The following NSUN7 variants were observed in gnomAD, a reference collection of about 807,000 sequenced individuals.
The protein encoded by NSUN7 is protein NSUN7.
In NSUN7, 39 loss-of-function variants were observed where a neutral mutation model predicts 58.5. The observed-to-expected ratio is 0.67, with a 90% CI of 0.52 to 0.87. The LOEUF (loss-of-function observed/expected upper bound fraction) is 0.87. Ranked by LOEUF, NSUN7 falls within the 40% of genes least tolerant of loss-of-function variation. NSUN7 has a pLI of 0.00. For missense variants in NSUN7, 765 were observed against 844.1 expected (o/e 0.91, Z 1.16); for synonymous variants, 278 against 303.7 (o/e 0.92, Z 0.88).
chr4:40,795,762 C>T (rs2087604764), intron 9 of NSUN7, among the ~76,000 whole-genome samples: 1 of 152,044 alleles, frequency 6.6e-6, no homozygotes, highest in South Asian at 2.1e-4. Context: ...AAGTCAACCA[C>T]ATAAAAGATA....
intron 4 of NSUN7, among the ~76,000 whole-genome samples, chr4:40,772,755 A>G (rs994020169): frequency 2.0e-5 from 3 of 152,186 alleles, no homozygotes; most frequent in Non-Finnish European, 4.4e-5. Context: ...CTTTGAAACA[A>G]TTTAGGTGGG....
chr4:40,803,680 G>T (rs2154289412), intron 10 of NSUN7, among the ~76,000 whole-genome samples: 1 of 152,282 alleles, frequency 6.6e-6, no homozygotes, highest in East Asian at 1.9e-4. Context: ...GTACAATTCA[G>T]TGCCTTAAAA....
Position 40,807,701 on chromosome 4 carries a change from C to A in NSUN7, c.1524+517C>A, listed in dbSNP as rs571426774. ...TCCTCTTCTGCCTGGCTGCCACCCC[C>A]ACCTCCCCAAGCATTTTGTAACATC... is the stretch of plus-strand genomic sequence containing the variant. On this transcript the variant is annotated intron_variant, in intron 11 of 11. Transcript: ENST00000381782. Among the ~76,000 whole-genome samples the A allele has an allele frequency of 4.6e-5, 7 of 152,160 alleles. 1 individual carries two copies. The highest frequency in any genetic ancestry group is 3.4e-3 in the Middle Eastern group (1 of 294).
intron 7 of NSUN7, among the ~76,000 whole-genome samples, chr4:40,790,174 A>G (rs929116470): frequency 2.6e-5 from 4 of 151,606 alleles, no homozygotes; most frequent in African/African-American, 9.7e-5. Flanking sequence ...CAGCACGCTA[A>G]GCTTAACTAC....
In NSUN7 at chr4:40,794,455, C is replaced by A; in HGVS notation, c.1261C>A (p.Gln421Lys). 1 of 1,607,876 alleles carries A rather than the reference C, an allele frequency of 6.2e-7. No individual in the cohort carries two copies. The highest frequency in any genetic ancestry group is 8.5e-7 in the Non-Finnish European group (1 of 1,174,858). Residue 421 changes from glutamine (Q) to lysine (K), a missense_variant, in exon 9 of 12, where the codon CAG (glutamine) becomes AAG (lysine). Physicochemically the swap from Gln to Lys is moderately conservative, Grantham distance 53 (BLOSUM62 1). Transcript: ENST00000381782. ...CGTTCTTGCTCAACAGCAGTATGAA[C>A]AGCTAACACATGCAATGAAATGTAA... is the stretch of plus-strand genomic sequence containing the variant. ...LHVLAQQQYE[Q>K]LTHAMKFTKA...
chr4:40,758,077 C>T (rs1741265802), intron 2 of NSUN7, among the ~76,000 whole-genome samples: 1 of 152,000 alleles, frequency 6.6e-6, no homozygotes, highest in Non-Finnish European at 1.5e-5. Context: ...CGCCACCACG[C>T]CTGGATAATT....
At chr4:40,805,353 G>A (rs908061558) in intron 10 of NSUN7, among the ~76,000 whole-genome samples, 1 of 152,136 alleles carries the variant, frequency 6.6e-6, no homozygotes, top group Admixed American at 6.5e-5. Context: ...CCTTGCTGCT[G>A]TCACTTGACT....
rs749539912 is a variant in NSUN7 at position 40,776,150 on chromosome 4, C to T, written c.927C>T (p.His309=). ...CAGGCTCATGGTACACAGTTTCCCA[C>T]ATGTCAATTTTAACAAATAATAATA... ...VNTGSWYTVS[H]MSILTNNNTS... The change falls in exon 7 of 12, where the codon CAC becomes CAT. Residue 309 remains histidine, a synonymous_variant. Coordinates refer to ENST00000381782, the MANE Select transcript of NSUN7 (RefSeq NM_024677.6). 1.9e-6 allele frequency: 3 copies of T among 1,607,190 alleles called. No homozygotes were observed. The South Asian group carries it at 3.3e-5, about 18-fold the overall frequency.
In NSUN7 at chr4:40,750,146, C is replaced by A. The variant is rs1054669579; in HGVS notation, c.-246C>A. 1 of 152,868 alleles carries A rather than the reference C, an allele frequency of 6.5e-6. No homozygotes were observed. The highest frequency in any genetic ancestry group is 2.4e-5 in the African/African-American group (1 of 41,478). The allele number at this position is 152,868 out of a possible 1,614,324, so 9.5% of individuals were successfully genotyped here. Reference sequence around the variant, plus strand: ...GCGCCAGAGGCTGCGACCCCCCTGCCCCGAATCCTGCCGGTGGGAGTGGCT... The same window carrying A: ...GCGCCAGAGGCTGCGACCCCCCTGCACCGAATCCTGCCGGTGGGAGTGGCT... On this transcript the variant is annotated 5_prime_UTR_variant, in exon 1 of 12. Coordinates refer to ENST00000381782, the MANE Select transcript of NSUN7 (RefSeq NM_024677.6).
chr4:40,808,536 C>G lies in NSUN7; in HGVS notation c.1754C>G (p.Thr585Arg). ...KASANLSETV[T>R]KPPLPQKNTA... ...AGTGCTAATCTATCAGAGACTGTAACAAAACCACCTCTTCCCCAGAAAAAT... is the reference window on the plus strand; with the variant it reads ...AGTGCTAATCTATCAGAGACTGTAAGAAAACCACCTCTTCCCCAGAAAAAT... The change falls in exon 12 of 12, where the codon ACA becomes AGA. Residue 585 changes from threonine (T) to arginine (R), a missense_variant. Transcript: ENST00000381782. The G allele has an allele frequency of 3.9e-6, 6 of 1,551,998 alleles. No individual in the cohort carries two copies. Among genetic ancestry groups the G allele is most frequent in the Non-Finnish European group, 5.2e-6 (6 of 1,147,066 alleles).
At chr4:40,776,485 A>G (rs1335646838) in intron 7 of NSUN7, 1 of 328,514 alleles carries the variant, frequency 3.0e-6, no homozygotes, top group East Asian at 5.0e-5. Context: ...ACTGTTTGAC[A>G]TTTAGCTCAC....
At chr4:40,778,713 G>A (rs898771720) in intron 7 of NSUN7, among the ~76,000 whole-genome samples, 19 of 152,142 alleles carry the variant, frequency 1.2e-4, no homozygotes, top group Non-Finnish European at 7.4e-5. Flanking sequence ...ACAGACTAAG[G>A]TAACATATTA....
Position 40,794,493 on chromosome 4 carries a change from C to T in NSUN7, c.1282+17C>T, listed in dbSNP as rs753797054. On this transcript the variant is annotated intron_variant, in intron 9 of 11. Coordinates refer to ENST00000381782, the MANE Select transcript of NSUN7 (RefSeq NM_024677.6). ...CAATGAAATGTAAGGTTGTCATAGG[C>T]ACCATCTTGTTAAAATAAGGTGTAC... 5 of 1,434,730 alleles carry T rather than the reference C, an allele frequency of 3.5e-6. No individual in the cohort carries two copies. Among genetic ancestry groups the T allele is most frequent in the Non-Finnish European group, 3.9e-6 (4 of 1,020,436 alleles). The allele number at this position is 1,434,730 out of a possible 1,614,324, so 88.9% of individuals were successfully genotyped here. A position where few individuals can be genotyped will look rare whatever the true frequency, so the allele number is the denominator to read the frequency against.
At chr4:40,752,838 T>TGAAA (rs1740906926) in intron 2 of NSUN7, among the ~76,000 whole-genome samples, 1 of 152,280 alleles carries the variant, frequency 6.6e-6, no homozygotes. Flanking sequence ...TTGTTTTTTG[T>TGAAA]TTCTTTGTTT....
chr4:40,754,917 C>T (rs576433085), intron 2 of NSUN7, among the ~76,000 whole-genome samples: 1 of 152,112 alleles, frequency 6.6e-6, no homozygotes, highest in Admixed American at 6.6e-5. Context: ...TCTGATTAAC[C>T]TTTTAAAGAT....
At chr4:40,777,480 C>T (rs1468984870) in intron 7 of NSUN7, among the ~76,000 whole-genome samples, 1 of 152,080 alleles carries the variant, frequency 6.6e-6, no homozygotes, top group Non-Finnish European at 1.5e-5. Flanking sequence ...ATTACAGGTA[C>T]TCGCCAACAT....
In NSUN7 at chr4:40,775,680, A is replaced by C. The variant is rs1372510416; in HGVS notation, c.826-369A>C. On this transcript the variant is annotated intron_variant, in intron 6 of 11. Transcript: ENST00000381782. This position sits in a 1 kb window ranked among gnomAD's most constrained non-coding sequence, Gnocchi z 4.3. Reference sequence around the variant, plus strand: ...AATCTCTGTGAGCTAGTGGCAATTTAGGTGACAAGGTAATGGGGAAGAGAA... The same window carrying C: ...AATCTCTGTGAGCTAGTGGCAATTTCGGTGACAAGGTAATGGGGAAGAGAA... Among the ~76,000 whole-genome samples, 1 of 152,174 alleles carries C rather than the reference A, an allele frequency of 6.6e-6. No homozygotes were observed. Among genetic ancestry groups the C allele is most frequent in the East Asian group, 1.9e-4 (1 of 5,196 alleles).
intron 10 of NSUN7, among the ~76,000 whole-genome samples, chr4:40,803,522 T>A (rs539152878): frequency 2.6e-5 from 4 of 152,348 alleles, no homozygotes; most frequent in African/African-American, 9.6e-5. Flanking sequence ...TTGATTTGCA[T>A]TTCTCTGATG....
At chr4:40,768,024 G>A (rs968785376) in intron 4 of NSUN7, among the ~76,000 whole-genome samples, 4 of 152,018 alleles carry the variant, frequency 2.6e-5, no homozygotes, top group African/African-American at 4.8e-5. Context: ...GCAGTCTCTC[G>A]AGCCAATTCC....
Sources: gnomAD v4.1 joint callset for allele counts (sites outside exome capture counted in the v4.1 genomes callset) on GRCh38, gnomAD v4.1.1 for gene constraint, Gnocchi (gnomAD v3.1) non-coding constraint, MANE v1.5 for transcripts, NCBI Gene and HGNC (gene_info 2026-07-23, HGNC 2026-07-21) for gene names.